Variants in CACHD1 observed in about 807,000 individuals in gnomAD.
CACHD1 encodes the protein cache domain containing 1, also known as VWFA and cache domain-containing protein 1.
CACHD1 carries 71 observed loss-of-function variants against 138.7 expected under a neutral mutation model. The observed-to-expected ratio is 0.51, with a 90% CI of 0.42 to 0.62. The LOEUF is 0.62. Ranked by LOEUF, CACHD1 falls within the 20% of genes least tolerant of loss-of-function variation. The pLI is 0.00. For missense variants in CACHD1, 1,389 were observed against 1,625.3 expected, an observed-to-expected ratio of 0.85 and a Z score of 2.50; for synonymous variants, 578 against 591.5, an observed-to-expected ratio of 0.98 and a Z score of 0.33.
chr1:64,630,105 A>G (rs569267719), intron 5 of CACHD1, among the ~76,000 whole-genome samples: 2 of 152,276 alleles, frequency 1.3e-5, no homozygotes, highest in East Asian at 1.9e-4. Flanking sequence ...ATACTTTCCT[A>G]TTTAATCCTG....
chr1:64,621,116 G>T (rs977554727), intron 4 of CACHD1, among the ~76,000 whole-genome samples: 1 of 152,124 alleles, frequency 6.6e-6, no homozygotes, highest in Non-Finnish European at 1.5e-5. Flanking sequence ...ACTTAAAATG[G>T]TAAATACTTG....
At chr1:64,628,549 G>A (rs1355311168) in intron 4 of CACHD1, among the ~76,000 whole-genome samples, 1 of 152,152 alleles carries the variant, frequency 6.6e-6, no homozygotes. Context: ...CACACAACAA[G>A]GTGGTTGGCA....
chr1:64,625,343 G>T (rs1463983321), intron 4 of CACHD1, among the ~76,000 whole-genome samples: 1 of 152,070 alleles, frequency 6.6e-6, no homozygotes, highest in Admixed American at 6.6e-5. Flanking sequence ...ATTACCTAGT[G>T]GGGATGGGCG....
At chr1:64,504,551 A>G (rs1292498471) in intron 1 of CACHD1, among the ~76,000 whole-genome samples, 1 of 152,044 alleles carries the variant, frequency 6.6e-6, no homozygotes, top group East Asian at 1.9e-4. Flanking sequence ...TAATTCTTTC[A>G]TTTTGTATAT....
At chr1:64,686,751 G>T (rs1459329584) in intron 26 of CACHD1, among the ~76,000 whole-genome samples, 1 of 152,136 alleles carries the variant, frequency 6.6e-6, no homozygotes, top group Non-Finnish European at 1.5e-5. Flanking sequence ...GTGTATATTA[G>T]GCAACATTTT....
chr1:64,662,433 C>G (rs541826091), intron 13 of CACHD1, among the ~76,000 whole-genome samples: 1 of 152,328 alleles, frequency 6.6e-6, no homozygotes, highest in Non-Finnish European at 1.5e-5. Context: ...TGGCACCGGA[C>G]AGGATGAAAC....
In CACHD1 at chr1:64,652,299, T is replaced by C. The variant is rs772476675; in HGVS notation, c.1529T>C (p.Ile510Thr). ...TCTTTGGCTTCCTATACTTTTCTCA[T>C]AGACGACAAAGGTAATCTGCTAAAT... ...QDSLASYTFLIDDKGYTLMHP... is the reference protein window; with the variant it reads ...QDSLASYTFLTDDKGYTLMHP... The change falls in exon 10 of 27, where the codon ATA becomes ACA. Residue 510 changes from isoleucine (I) to threonine (T), a missense_variant. Physicochemically the swap from Ile to Thr is moderately conservative, Grantham distance 89 (BLOSUM62 -1). Coordinates refer to ENST00000651257, the MANE Select transcript of CACHD1 (RefSeq NM_020925.4). 8 of 1,606,812 alleles carry C rather than the reference T, an allele frequency of 5.0e-6. No individual in the cohort carries two copies. The Admixed American group carries it at 1.0e-4, about 21-fold the overall frequency.
intron 2 of CACHD1, among the ~76,000 whole-genome samples, chr1:64,579,356 G>T (rs143809203): frequency 2.0e-5 from 3 of 152,278 alleles, no homozygotes; most frequent in Non-Finnish European, 4.4e-5. Context: ...ATGTGTAGAA[G>T]AAACCCTTGG....
intron 2 of CACHD1, among the ~76,000 whole-genome samples, chr1:64,576,927 T>C (rs146970608): frequency 2.7e-3 from 407 of 151,694 alleles, no homozygotes; most frequent in African/African-American, 9.3e-3. Context: ...TTTAGAATTC[T>C]TTATAACAAA....
chr1:64,691,384 G>A lies in CACHD1; in HGVS notation c.3648G>A (p.Leu1216=). Residue 1216 remains leucine, a synonymous_variant, in exon 27 of 27, where the codon TTG becomes TTA. Coordinates refer to ENST00000651257, the MANE Select transcript of CACHD1 (RefSeq NM_020925.4). ...SENPPCNNDP[L]SAGVDVGNHD... ...ATCCTCCATGCAACAATGACCCCTT[G>A]TCAGCCGGGGTCGATGTGGGAAACC... 2 of 1,614,080 alleles carry A rather than the reference G, an allele frequency of 1.2e-6. No individual in the cohort carries two copies. The highest frequency in any genetic ancestry group is 8.5e-7 in the Non-Finnish European group (1 of 1,180,014).
intron 4 of CACHD1, among the ~76,000 whole-genome samples, chr1:64,621,271 T>A (rs1647903064): frequency 6.6e-6 from 1 of 152,170 alleles, no homozygotes; most frequent in East Asian, 1.9e-4. Context: ...CTAAATAACC[T>A]TTCCCTGGTA....
chr1:64,551,598 T>C (rs1316076652), intron 2 of CACHD1, among the ~76,000 whole-genome samples: 1 of 152,204 alleles, frequency 6.6e-6, no homozygotes, highest in African/African-American at 2.4e-5. Context: ...GATTTTGAAC[T>C]CTCTGAGATT....
At chr1:64,612,759 A>C (rs1647578751) in intron 4 of CACHD1, among the ~76,000 whole-genome samples, 1 of 152,226 alleles carries the variant, frequency 6.6e-6, no homozygotes, top group Admixed American at 6.5e-5. Context: ...AAGAGCTCTG[A>C]TGGAGATGTG....
intron 1 of CACHD1, among the ~76,000 whole-genome samples, chr1:64,530,411 T>C (rs581437): frequency 0.19 from 28,374 of 152,182 alleles, 5,590 homozygotes; most frequent in African/African-American, 0.5. Context: ...GAAATCTTTG[T>C]GTACACATCT....
At chr1:64,671,372 ATTTTT>A (rs916159919) in intron 16 of CACHD1, among the ~76,000 whole-genome samples, 187 bp from the exon 17 acceptor site, 1 of 151,952 alleles carries the variant, frequency 6.6e-6, no homozygotes, top group Admixed American at 6.6e-5. Flanking sequence ...TAAGTCTTAA[ATTTTT>A]TTCTCTCATA....
At chr1:64,674,422 G>C (rs746053375) in intron 19 of CACHD1, among the ~76,000 whole-genome samples, 12 of 152,124 alleles carry the variant, frequency 7.9e-5, no homozygotes, top group Non-Finnish European at 1.6e-4. Flanking sequence ...GATTTCTGGA[G>C]TCTTCAGCAC....
At chr1:64,560,713 ATGT>A (rs1226716904) in intron 2 of CACHD1, among the ~76,000 whole-genome samples, 1 of 151,860 alleles carries the variant, frequency 6.6e-6, no homozygotes, top group Non-Finnish European at 1.5e-5. Context: ...GTGGTTGATA[ATGT>A]TGTTCACATC....
intron 2 of CACHD1, among the ~76,000 whole-genome samples, chr1:64,553,676 T>C (rs1414560442): frequency 2.0e-5 from 3 of 152,216 alleles, no homozygotes; most frequent in African/African-American, 7.2e-5. Flanking sequence ...TTACCAAACT[T>C]AGAAGGCCCT....
At chr1:64,651,728 A>G (rs1649103147) in intron 9 of CACHD1, among the ~76,000 whole-genome samples, 1 of 152,238 alleles carries the variant, frequency 6.6e-6, no homozygotes. Context: ...TGTCACCTGT[A>G]CAATACAAAA....
Sources: gnomAD v4.1 joint callset for allele counts (sites outside exome capture counted in the v4.1 genomes callset) on GRCh38, gnomAD v4.1.1 for gene constraint, MANE v1.5 for transcripts, NCBI Gene and HGNC (gene_info 2026-07-23, HGNC 2026-07-21) for gene names.